Variants in TRAK1 observed in about 807,000 individuals in gnomAD.
TRAK1 encodes the protein trafficking kinesin-binding protein 1.
A neutral mutation model predicts 92.1 loss-of-function variants in TRAK1; 33 were observed. That is an observed-to-expected ratio of 0.36 (90% confidence interval 0.27 to 0.48). The LOEUF is 0.48. TRAK1 is among the 20% of genes least tolerant of loss of function. TRAK1 has a pLI of 0.99. For synonymous variants in TRAK1, 521 were observed against 517.3 expected, an observed-to-expected ratio of 1.01 and a Z score of -0.10; for missense variants, 1,123 against 1,257.9, an observed-to-expected ratio of 0.89 and a Z score of 1.62.
chr3:42,148,854 C>T (rs1011423011), intron 2 of TRAK1, among the ~76,000 whole-genome samples: 8 of 152,254 alleles, frequency 5.3e-5, no homozygotes, highest in African/African-American at 1.9e-4. Flanking sequence ...GGAAAGGAAA[C>T]CAAAAGTAAT....
At chr3:42,064,370 T>TTA (rs370006020) in intron 1 of TRAK1, among the ~76,000 whole-genome samples, 13 of 149,232 alleles carry the variant, frequency 8.7e-5, no homozygotes, top group Non-Finnish European at 1.5e-4. Flanking sequence ...GGATACAAAT[T>TTA]AAAAAAAAAA....
intron 1 of TRAK1, among the ~76,000 whole-genome samples, chr3:42,042,990 G>A (rs978596166): frequency 2.0e-5 from 3 of 152,064 alleles, no homozygotes; most frequent in Non-Finnish European, 4.4e-5. Flanking sequence ...ACCAAAGGAC[G>A]TTGGCCTCCT....
chr3:42,171,696 C>T (rs1702579581), intron 2 of TRAK1, among the ~76,000 whole-genome samples: 1 of 152,102 alleles, frequency 6.6e-6, no homozygotes, highest in African/African-American at 2.4e-5. Flanking sequence ...TTGTTTTCTT[C>T]CCATGGGGTT....
At chr3:42,108,726 A>G (rs1475351518) in intron 1 of TRAK1, among the ~76,000 whole-genome samples, 1 of 152,062 alleles carries the variant, frequency 6.6e-6, no homozygotes, top group Non-Finnish European at 1.5e-5. Context: ...CTGGTGGCAC[A>G]TACTCTACAA....
intron 1 of TRAK1, among the ~76,000 whole-genome samples, chr3:42,055,952 G>A (rs1335693897): frequency 6.6e-6 from 1 of 152,104 alleles, no homozygotes; most frequent in Non-Finnish European, 1.5e-5. Flanking sequence ...TTTGTGACTG[G>A]CTTTTTTCAC....
chr3:42,156,125 T>C (rs888619214), intron 2 of TRAK1, among the ~76,000 whole-genome samples: 1 of 152,356 alleles, frequency 6.6e-6, no homozygotes, highest in Non-Finnish European at 1.5e-5. Context: ...ATGTCCAGCC[T>C]GGCCCAGCCC....
chr3:42,061,662 C>CA (rs1480750813), intron 1 of TRAK1, among the ~76,000 whole-genome samples: 2 of 152,120 alleles, frequency 1.3e-5, no homozygotes, highest in African/African-American at 4.8e-5. Flanking sequence ...AGTACAAATA[C>CA]AAGAGAATTT....
intron 1 of TRAK1, among the ~76,000 whole-genome samples, chr3:42,052,937 AGTT>A (rs1483831891): frequency 6.6e-6 from 1 of 152,050 alleles, no homozygotes; most frequent in African/African-American, 2.4e-5. Context: ...AGGCATTTGG[AGTT>A]GTTGGTGCTA....
At chr3:42,158,362 T>G (rs951036939) in intron 2 of TRAK1, among the ~76,000 whole-genome samples, 3 of 152,210 alleles carry the variant, frequency 2.0e-5, no homozygotes, top group African/African-American at 7.2e-5. Context: ...GTGGAGGTTC[T>G]TCCTCTCTCC....
chr3:42,039,425 G>A (rs1437110940), intron 1 of TRAK1, among the ~76,000 whole-genome samples: 3 of 152,140 alleles, frequency 2.0e-5, no homozygotes, highest in African/African-American at 4.8e-5. Context: ...GTGCAATGGC[G>A]TGATCTCAGC....
intron 13 of TRAK1, among the ~76,000 whole-genome samples, chr3:42,204,392 G>A (rs1708080982): frequency 6.6e-6 from 1 of 152,178 alleles, no homozygotes; most frequent in Non-Finnish European, 1.5e-5. Flanking sequence ...GTATTTTTGT[G>A]ATTAGTTAAT....
At chr3:42,178,980 TAAAAC>T (rs376597631) in intron 3 of TRAK1, among the ~76,000 whole-genome samples, 69 of 151,880 alleles carry the variant, frequency 4.5e-4, no homozygotes, top group Non-Finnish European at 7.2e-4. Context: ...TCTCAAAAAA[TAAAAC>T]AAAACAAAAC....
chr3:42,193,236 A>C, intron 8 of TRAK1, 31 bp downstream of exon 8: 1 of 1,611,874 alleles, frequency 6.2e-7, no homozygotes, highest in South Asian at 1.1e-5. Flanking sequence ...TGGCTGATAC[A>C]ACAATGGCCA....
Position 42,224,171 on chromosome 3 carries a change from T to C in TRAK1, c.*434T>C, listed in dbSNP as rs1357094800. On this transcript the variant is annotated 3_prime_UTR_variant, in exon 16 of 16. Transcript: ENST00000327628. ...GCACGGGTCATAACACATCTGGGTGTCATCGGACACCTCACCTCGCCCACC... is the reference window on the plus strand; with the variant it reads ...GCACGGGTCATAACACATCTGGGTGCCATCGGACACCTCACCTCGCCCACC... The C allele has an allele frequency of 6.8e-6, 3 of 441,942 alleles. No homozygotes were observed. Among genetic ancestry groups the C allele is most frequent in the Non-Finnish European group, 1.3e-5 (3 of 222,784 alleles). 27.4% of individuals were successfully genotyped at this position (441,942 alleles called of 1,614,324 possible). A position where few individuals can be genotyped will look rare whatever the true frequency, so the allele number is the denominator to read the frequency against.
intron 2 of TRAK1, among the ~76,000 whole-genome samples, chr3:42,162,457 G>A (rs1701378034): frequency 6.6e-6 from 1 of 152,118 alleles, no homozygotes; most frequent in Non-Finnish European, 1.5e-5. Flanking sequence ...CACAGGCTCA[G>A]TATAGACCGA....
intron 1 of TRAK1, among the ~76,000 whole-genome samples, chr3:42,091,928 G>T (rs961639763): frequency 6.6e-6 from 1 of 151,978 alleles, no homozygotes; most frequent in African/African-American, 2.4e-5. Context: ...GGTTTCTAAG[G>T]CCTCCTCCGC....
At position 42,125,545 on chromosome 3, in the gene TRAK1, C is replaced by G. The variant is rs765071222; in HGVS notation, c.217C>G (p.Pro73Ala). 1 of 1,614,224 alleles carries G rather than the reference C, an allele frequency of 6.2e-7. No homozygotes were observed. Among genetic ancestry groups the G allele is most frequent in the Non-Finnish European group, 8.5e-7 (1 of 1,180,018 alleles). Residue 73 changes from proline (P) to alanine (A), a missense_variant, in exon 2 of 16, where the codon CCT becomes GCT. By Grantham distance (27) the Pro-to-Ala change is conservative. This residue lies in a region of TRAK1 where 686 missense variants were observed against 747.6 expected (regional missense o/e 0.92). Coordinates refer to ENST00000327628, the MANE Select transcript of TRAK1 (RefSeq NM_001042646.3). ...TGACCACGACGACTGGCTCCATACA[C>G]CTCTCATTTCTCCAGATGCCAACAT... ...GYDHDDWLHTPLISPDANIDL... is the reference protein window; with the variant it reads ...GYDHDDWLHTALISPDANIDL...
At chr3:42,076,582 GCTCT>G (rs1282996629) in intron 1 of TRAK1, among the ~76,000 whole-genome samples, 3 of 152,042 alleles carry the variant, frequency 2.0e-5, no homozygotes, top group Non-Finnish European at 4.4e-5. Context: ...CATTCTGTGG[GCTCT>G]CTGTTTATTG....
intron 13 of TRAK1, among the ~76,000 whole-genome samples, chr3:42,207,677 C>T (rs941906294): frequency 1.3e-5 from 2 of 152,192 alleles, no homozygotes; most frequent in Admixed American, 1.3e-4. Flanking sequence ...TAAAAAATCA[C>T]AGTGATGCTG....
Sources: allele counts gnomAD v4.1 joint callset (sites outside exome capture counted in the v4.1 genomes callset), GRCh38; gene constraint gnomAD v4.1.1; regional missense constraint gnomAD v4.1.1; transcripts MANE v1.5; gene names NCBI Gene and HGNC (gene_info 2026-07-23, HGNC 2026-07-21).